The following EDIL3 variants were observed in gnomAD, a reference collection of about 807,000 sequenced individuals.
EDIL3 encodes EGF-like repeat and discoidin I-like domain-containing protein 3.
EDIL3 carries 37 observed loss-of-function variants against 67.4 expected under a neutral mutation model. The observed-to-expected ratio is 0.55, with a 90% CI of 0.42 to 0.72. The LOEUF (loss-of-function observed/expected upper bound fraction) is 0.72. EDIL3 is among the 30% of genes least tolerant of loss of function. The pLI is 0.00. For missense variants in EDIL3, 527 were observed against 586.3 expected (o/e 0.90, Z 1.04); for synonymous variants, 195 against 196.3 (o/e 0.99, Z 0.05).
chr5:84,366,168 A>T (rs563878140), intron 1 of EDIL3, among the ~76,000 whole-genome samples: 3 of 152,208 alleles, frequency 2.0e-5, no homozygotes, highest in Non-Finnish European at 2.9e-5. Flanking sequence ...CAGTTTATTA[A>T]CCAATTATTT....
intron 1 of EDIL3, among the ~76,000 whole-genome samples, chr5:84,261,463 G>A (rs564122947): frequency 2.6e-5 from 4 of 152,204 alleles, no homozygotes; most frequent in African/African-American, 9.6e-5. Context: ...TAAAGCTTAT[G>A]AGTGTGGCCA....
At chr5:84,097,822 A>T (rs1448688698) in intron 6 of EDIL3, among the ~76,000 whole-genome samples, 8 of 152,066 alleles carry the variant, frequency 5.3e-5, no homozygotes, top group African/African-American at 1.9e-4. Flanking sequence ...AGAAAAGAAA[A>T]ACACAGAGAA....
intron 9 of EDIL3, among the ~76,000 whole-genome samples, chr5:84,041,592 G>GTA (rs766969800): frequency 0.048 from 6,952 of 146,054 alleles, 237 homozygotes; most frequent in Middle Eastern, 0.14. Flanking sequence ...TACTATATAT[G>GTA]TATATATGTA....
intron 6 of EDIL3, among the ~76,000 whole-genome samples, chr5:84,083,569 C>A (rs1433174341): frequency 6.6e-6 from 1 of 151,988 alleles, no homozygotes; most frequent in Non-Finnish European, 1.5e-5. Flanking sequence ...CCCACCCATG[C>A]TAGGGTACTA....
intron 3 of EDIL3, among the ~76,000 whole-genome samples, chr5:84,209,295 C>T (rs342413): frequency 0.68 from 102,746 of 151,530 alleles, 35,547 homozygotes; most frequent in East Asian, 0.91. Context: ...TTAATGGGTG[C>T]AGCACACCAG....
At chr5:84,268,291 C>CT (rs1384130363) in intron 1 of EDIL3, among the ~76,000 whole-genome samples, 3 of 152,222 alleles carry the variant, frequency 2.0e-5, no homozygotes, top group African/African-American at 7.2e-5. Flanking sequence ...GGCTTAAGAG[C>CT]TTTTTTTCCT....
chr5:84,262,109 G>A (rs2112085243), intron 1 of EDIL3, among the ~76,000 whole-genome samples: 1 of 152,276 alleles, frequency 6.6e-6, no homozygotes, highest in Middle Eastern at 3.4e-3. Context: ...AGAACCTACA[G>A]TTTCTAGAAT....
intron 9 of EDIL3, among the ~76,000 whole-genome samples, chr5:84,016,487 T>G (rs1235825204): frequency 6.6e-6 from 1 of 152,158 alleles, no homozygotes; most frequent in East Asian, 1.9e-4. Flanking sequence ...CAATACAGGT[T>G]GTGCATCCCT....
At chr5:84,008,969 C>T (rs752825813) in intron 9 of EDIL3, among the ~76,000 whole-genome samples, 23 of 152,104 alleles carry the variant, frequency 1.5e-4, no homozygotes, top group African/African-American at 5.6e-4. Flanking sequence ...TGCACCACCA[C>T]ATCTGGCTAA....
chr5:84,353,892 T>A (rs1279627919), intron 1 of EDIL3, among the ~76,000 whole-genome samples: 1 of 152,150 alleles, frequency 6.6e-6, no homozygotes, highest in Non-Finnish European at 1.5e-5. Flanking sequence ...GTTAGAAAAA[T>A]CAACAATACA....
chr5:84,062,513 C>T (rs1746565169), intron 8 of EDIL3, among the ~76,000 whole-genome samples: 1 of 151,996 alleles, frequency 6.6e-6, no homozygotes. Flanking sequence ...ATTCTGTTGT[C>T]TAGTATTTAT....
At chr5:83,957,304 C>T (rs1561385128) in intron 10 of EDIL3, among the ~76,000 whole-genome samples, 3 of 151,624 alleles carry the variant, frequency 2.0e-5, no homozygotes, top group East Asian at 2.0e-4. Flanking sequence ...TCTGTGATTG[C>T]CACTGACAAT....
intron 10 of EDIL3, among the ~76,000 whole-genome samples, chr5:83,956,276 A>T (rs902195743): frequency 6.6e-6 from 1 of 151,720 alleles, no homozygotes; most frequent in Admixed American, 6.6e-5. Context: ...TCTAGGTAGG[A>T]CACTTGCAGC....
chr5:83,980,264 T>C (rs1019876873), intron 9 of EDIL3, among the ~76,000 whole-genome samples: 27 of 152,024 alleles, frequency 1.8e-4, no homozygotes, highest in African/African-American at 6.3e-4. Flanking sequence ...TTGTTTTTTA[T>C]GGGCCCTTTG....
intron 5 of EDIL3, among the ~76,000 whole-genome samples, chr5:84,132,313 T>A (rs1242199396): frequency 1.4e-4 from 15 of 106,858 alleles, no homozygotes; most frequent in African/African-American, 4.7e-4. Flanking sequence ...TAATATATAT[T>A]ATATATATTT....
At chr5:84,054,329 A>G (rs1459070718) in intron 9 of EDIL3, among the ~76,000 whole-genome samples, 1 of 152,238 alleles carries the variant, frequency 6.6e-6, no homozygotes, top group Non-Finnish European at 1.5e-5. Flanking sequence ...AGAGCTATTT[A>G]TGACAAACTC....
In EDIL3 at chr5:84,383,581, C is replaced by G. The variant is rs1322475084; in HGVS notation, c.67+727G>C. ...CGGGGACGCGAGGGGTGGCTTGCCC[C>G]GCACTATTCCCCATTACCAAGAGTT... is the stretch of plus-strand genomic sequence containing the variant. On this transcript the variant is annotated intron_variant, in intron 1 of 10. Transcript: ENST00000296591. Among the ~76,000 whole-genome samples the G allele has an allele frequency of 3.9e-5, 6 of 152,346 alleles. No individual in the cohort carries two copies. In the East Asian group the frequency reaches 9.7e-4, roughly 25 times the overall value.
At chr5:84,101,363 T>A (rs1030790960) in intron 6 of EDIL3, among the ~76,000 whole-genome samples, 5 of 152,008 alleles carry the variant, frequency 3.3e-5, no homozygotes, top group Admixed American at 6.6e-5. Flanking sequence ...ATTCTGAGAA[T>A]TAAATTTAAA....
intron 10 of EDIL3, among the ~76,000 whole-genome samples, chr5:83,949,858 G>T (rs796539333): frequency 1.3e-4 from 20 of 151,910 alleles, no homozygotes; most frequent in African/African-American, 4.8e-4. Flanking sequence ...TGTCTGAGAA[G>T]AGTATTTTTG....
Sources: gnomAD v4.1 joint callset for allele counts (sites outside exome capture counted in the v4.1 genomes callset) on GRCh38, gnomAD v4.1.1 for gene constraint, MANE v1.5 for transcripts, NCBI Gene and HGNC (gene_info 2026-07-23, HGNC 2026-07-21) for gene names.